The following GRM8 variants were observed in gnomAD, a reference collection of about 807,000 sequenced individuals.
The protein encoded by GRM8 is glutamate metabotropic receptor 8, also known as metabotropic glutamate receptor 8.
In GRM8, 47 loss-of-function variants were observed where a neutral mutation model predicts 87.2. The ratio of observed to expected loss-of-function variants is 0.54; its 90% CI spans 0.43 to 0.69. The LOEUF is 0.69. Among genes scored for constraint, GRM8 ranks in the 30% least tolerant of loss-of-function variants. The pLI is 0.00. For synonymous variants in GRM8, 396 were observed against 404.5 expected (o/e 0.98, Z 0.25); for missense variants, 1,019 against 1,139.2 (o/e 0.89, Z 1.52).
chr7:126,543,282 A>G (rs951473733), intron 8 of GRM8, among the ~76,000 whole-genome samples: 9 of 152,190 alleles, frequency 5.9e-5, no homozygotes, highest in Admixed American at 5.2e-4. Flanking sequence ...CTTAAAATGC[A>G]TATTTCTCGT....
intron 7 of GRM8, among the ~76,000 whole-genome samples, chr7:126,684,971 C>G (rs566057303): frequency 9.2e-5 from 14 of 152,290 alleles, no homozygotes; most frequent in Admixed American, 7.2e-4. Context: ...GCCATTACAC[C>G]TGCTACAGCA....
At chr7:127,110,539 C>T (rs999588071) in intron 2 of GRM8, among the ~76,000 whole-genome samples, 1 of 152,072 alleles carries the variant, frequency 6.6e-6, no homozygotes, top group Admixed American at 6.6e-5. Context: ...TTAAATAAGG[C>T]CATATTTCTA....
intron 3 of GRM8, among the ~76,000 whole-genome samples, chr7:126,930,255 G>C (rs1805620528): frequency 6.6e-6 from 1 of 152,172 alleles, no homozygotes; most frequent in South Asian, 2.1e-4. Context: ...CTCTGTGCCT[G>C]TTTTCTCCTT....
intron 2 of GRM8, among the ~76,000 whole-genome samples, chr7:127,110,564 C>T (rs532028364): frequency 3.5e-4 from 54 of 152,258 alleles, no homozygotes; most frequent in African/African-American, 1.3e-3. Context: ...TCAAATGAAG[C>T]GTATTTGAGT....
At chr7:126,643,448 GAATA>G in intron 7 of GRM8, among the ~76,000 whole-genome samples, 1 of 143,004 alleles carries the variant, frequency 7.0e-6, no homozygotes, top group South Asian at 2.2e-4. Flanking sequence ...TTTTAAGAAA[GAATA>G]TATACACATA....
chr7:126,635,043 C>T (rs761730475), intron 7 of GRM8, among the ~76,000 whole-genome samples: 16 of 152,086 alleles, frequency 1.1e-4, no homozygotes, highest in Non-Finnish European at 2.2e-4. Flanking sequence ...GAAAGTCACC[C>T]ACATCATAGA....
chr7:126,648,646 T>G (rs1315625219), intron 7 of GRM8, among the ~76,000 whole-genome samples: 1 of 152,248 alleles, frequency 6.6e-6, no homozygotes, highest in Non-Finnish European at 1.5e-5. Context: ...GATGACTGGA[T>G]GCATTTATGC....
chr7:127,104,539 C>T (rs906852737), intron 3 of GRM8, among the ~76,000 whole-genome samples: 1 of 152,162 alleles, frequency 6.6e-6, no homozygotes, highest in African/African-American at 2.4e-5. Context: ...CAGTGTGGTA[C>T]TAATTTGGCC....
intron 3 of GRM8, among the ~76,000 whole-genome samples, chr7:126,996,877 G>T (rs1338066128): frequency 6.6e-6 from 1 of 151,856 alleles, no homozygotes; most frequent in Non-Finnish European, 1.5e-5. Context: ...CAACATTGTT[G>T]ATTTTCTGCC....
rs192460391 is a variant in GRM8, at chr7:126,994,415, G to A, written c.728-89732C>T. On this transcript the variant is annotated intron_variant, in intron 3 of 10. Coordinates refer to ENST00000339582, the MANE Select transcript of GRM8 (RefSeq NM_000845.3). ...CAGCTACCAGCTCAGCCATAGTAGC[G>A]CAGAGCACCAAGTGGGCTCTTAGGG... is the stretch of plus-strand genomic sequence containing the variant. Among the ~76,000 whole-genome samples the A allele has an allele frequency of 1.7e-3, 252 of 152,242 alleles. 1 individual carries two copies. Among genetic ancestry groups the A allele is most frequent in the African/African-American group, 5.4e-3 (223 of 41,540 alleles).
In GRM8 at chr7:127,088,035, A is replaced by G. The variant is rs17864958; in HGVS notation, c.727+18461T>C. Among the ~76,000 whole-genome samples, 147 of 152,322 alleles carry G rather than the reference A, an allele frequency of 9.7e-4. 1 individual carries two copies. The highest frequency in any genetic ancestry group is 3.4e-3 in the African/African-American group (142 of 41,570). On this transcript the variant is annotated intron_variant, in intron 3 of 10. Transcript: ENST00000339582. Reference sequence around the variant, plus strand: ...TTTAGAAACCATAAAAAGAAATAAAATATTTTCTTTAAAAATAGAGGACTC... The same window carrying G: ...TTTAGAAACCATAAAAAGAAATAAAGTATTTTCTTTAAAAATAGAGGACTC...
chr7:126,617,239 C>T (rs567957067), intron 7 of GRM8, among the ~76,000 whole-genome samples: 20 of 152,256 alleles, frequency 1.3e-4, no homozygotes, highest in East Asian at 7.7e-4. Flanking sequence ...AATCAATAAA[C>T]GTAATCCAGC....
At chr7:126,650,192 G>A (rs1319695482) in intron 7 of GRM8, among the ~76,000 whole-genome samples, 1 of 152,158 alleles carries the variant, frequency 6.6e-6, no homozygotes, top group Non-Finnish European at 1.5e-5. Flanking sequence ...TCATCAAATG[G>A]AAGTAGTATA....
intron 8 of GRM8, among the ~76,000 whole-genome samples, chr7:126,542,236 A>G (rs965136888): frequency 3.9e-5 from 6 of 152,182 alleles, no homozygotes; most frequent in African/African-American, 1.4e-4. Context: ...TTAGGCTCTA[A>G]AGGGTCGGCA....
At chr7:126,814,526 T>C (rs975582233) in intron 6 of GRM8, among the ~76,000 whole-genome samples, 2 of 152,072 alleles carry the variant, frequency 1.3e-5, no homozygotes, top group African/African-American at 4.8e-5. Context: ...CAGAAGCAGA[T>C]GGCTGATCCA....
intron 9 of GRM8, among the ~76,000 whole-genome samples, chr7:126,530,579 G>A (rs1814640454): frequency 6.6e-6 from 1 of 152,194 alleles, no homozygotes; most frequent in South Asian, 2.1e-4. Flanking sequence ...AGGAGCTGCT[G>A]GGTTAATGGA....
intron 6 of GRM8, among the ~76,000 whole-genome samples, chr7:126,809,415 G>A (rs1056164503): frequency 1.3e-5 from 2 of 151,926 alleles, no homozygotes; most frequent in Admixed American, 6.6e-5. Context: ...ATAATTAGAG[G>A]GAAATCTATT....
intron 6 of GRM8, among the ~76,000 whole-genome samples, chr7:126,855,402 G>A (rs766843951): frequency 2.6e-5 from 4 of 151,456 alleles, no homozygotes; most frequent in Admixed American, 6.6e-5. Context: ...GAACAGCTAG[G>A]AAACTTGTCC....
intron 7 of GRM8, among the ~76,000 whole-genome samples, chr7:126,677,058 C>T (rs994871749): frequency 6.6e-6 from 1 of 152,076 alleles, no homozygotes; most frequent in Non-Finnish European, 1.5e-5. Flanking sequence ...AGAGACGTTT[C>T]TGAAAAGAAG....
Sources: allele counts gnomAD v4.1 joint callset (sites outside exome capture counted in the v4.1 genomes callset), GRCh38; gene constraint gnomAD v4.1.1; transcripts MANE v1.5; gene names NCBI Gene and HGNC (gene_info 2026-07-23, HGNC 2026-07-21).